Variants in ANAPC4 observed in about 807,000 individuals in gnomAD.
The protein encoded by ANAPC4 is anaphase promoting complex subunit 4, also known as anaphase-promoting complex subunit 4.
In ANAPC4, 63 loss-of-function variants were observed where a neutral mutation model predicts 119.8. The ratio of observed to expected loss-of-function variants is 0.53; its 90% CI spans 0.43 to 0.65. ANAPC4 has a LOEUF of 0.65. Ranked by LOEUF, ANAPC4 falls within the 30% of genes least tolerant of loss-of-function variation. The pLI is 0.00. For missense variants in ANAPC4, 716 were observed against 945.1 expected, an observed-to-expected ratio of 0.76 and a Z score of 3.18; for synonymous variants, 283 against 318.6, an observed-to-expected ratio of 0.89 and a Z score of 1.19.
chr4:25,377,826 C>T (rs1721492371), intron 2 of ANAPC4, among the ~76,000 whole-genome samples: 1 of 152,240 alleles, frequency 6.6e-6, no homozygotes, highest in South Asian at 2.1e-4. Context: ...TCACGCAATC[C>T]TGCTTCCCCA....
At chr4:25,394,987 C>A in intron 14 of ANAPC4, 82 bp downstream of exon 14, 2 of 1,079,054 alleles carry the variant, frequency 1.9e-6, no homozygotes, top group Non-Finnish European at 2.7e-6. Context: ...TTTTCTTCAT[C>A]TGGCATTCTC....
At chr4:25,378,105 C>T (rs315678) in intron 2 of ANAPC4, among the ~76,000 whole-genome samples, 131,252 of 152,270 alleles carry the variant, frequency 0.86, 56,647 homozygotes, top group African/African-American at 0.9. Context: ...AAAAATACCT[C>T]TAAATTGGAC....
intron 10 of ANAPC4, among the ~76,000 whole-genome samples, chr4:25,392,948 G>T (rs1722434039): frequency 6.6e-6 from 1 of 152,184 alleles, no homozygotes; most frequent in African/African-American, 2.4e-5. Flanking sequence ...TGGTAACGGG[G>T]CATCGAGGGT....
intron 10 of ANAPC4, among the ~76,000 whole-genome samples, chr4:25,392,749 T>C (rs1722421584): frequency 6.6e-6 from 1 of 152,208 alleles, no homozygotes; most frequent in Admixed American, 6.5e-5. Context: ...CCAAATTACC[T>C]CCCAATTCTG....
Position 25,392,563 on chromosome 4 carries a change from A to T in ANAPC4, c.789+142A>T, listed in dbSNP as rs186001281. 5.7e-4 allele frequency: 337 copies of T among 592,968 alleles called. 2 individuals carry two copies. The African/African-American group carries it at 5.8e-3, about 10-fold the overall frequency. 36.7% of individuals were successfully genotyped at this position (592,968 alleles called of 1,614,324 possible). A position where few individuals can be genotyped will look rare whatever the true frequency, so the allele number is the denominator to read the frequency against. On this transcript the variant is annotated intron_variant, in intron 10 of 28. Coordinates refer to ENST00000315368, the MANE Select transcript of ANAPC4 (RefSeq NM_013367.3). ...GATAGATGATCTTATAAGGTCCATT[A>T]AAGCAGGAAAAGGACATTTAATTGA...
chr4:25,380,810 C>G (rs1424958880), intron 3 of ANAPC4, among the ~76,000 whole-genome samples: 2 of 152,232 alleles, frequency 1.3e-5, no homozygotes, highest in African/African-American at 2.4e-5. Context: ...GCACCACTTG[C>G]CACTCGCCAG....
In ANAPC4 at chr4:25,418,312, C is replaced by G. The variant is rs1346462953; in HGVS notation, c.2357C>G (p.Ala786Gly). 3.7e-6 allele frequency: 6 copies of G among 1,613,986 alleles called. No homozygotes were observed. The highest frequency in any genetic ancestry group is 5.1e-6 in the Non-Finnish European group (6 of 1,179,936). ...GAGTCAGAGGCAGAGAACCAACAAG[C>G]TGGTGCTGCCGCTTTAGCTCCAGAG... ...LSESEAENQQ[A>G]GAAALAPEIV... is the part of the protein sequence containing the mutation. Residue 786 changes from alanine (A) to glycine (G), a missense_variant, in exon 29 of 29, where the codon GCT becomes GGT. This residue lies in a region of ANAPC4 where 504 missense variants were observed against 615.8 expected (regional missense o/e 0.82). Coordinates refer to ENST00000315368, the MANE Select transcript of ANAPC4 (RefSeq NM_013367.3).
At chr4:25,382,122 T>C (rs200778389) in intron 3 of ANAPC4, among the ~76,000 whole-genome samples, 896 of 19,132 alleles carry the variant, frequency 0.047, 4 homozygotes, top group Non-Finnish European at 0.082. Flanking sequence ...TTCTTTTTTT[T>C]CCCCCCCCTC....
rs776655306 is a variant in ANAPC4 at position 25,414,377 on chromosome 4, T to C, written c.1677T>C (p.Asp559=). 58 of 1,604,316 alleles carry C rather than the reference T, an allele frequency of 3.6e-5. No individual in the cohort carries two copies. Among genetic ancestry groups the C allele is most frequent in the Admixed American group, 1.2e-4 (7 of 59,414 alleles). Residue 559 remains aspartate (D), a synonymous_variant, in exon 23 of 29, where the codon GAT becomes GAC. Transcript: ENST00000315368. ...NQAICIPLYR[D]TRSEDSTRRL... is the part of the protein sequence containing the mutation. ...CAATCTGTATTCCATTGTATAGAGATACCAGAAGGTAATTCTGTTTACCTA... is the reference window on the plus strand; with the variant it reads ...CAATCTGTATTCCATTGTATAGAGACACCAGAAGGTAATTCTGTTTACCTA...
chr4:25,418,296 G>A lies in ANAPC4; in HGVS notation c.2341G>A (p.Ala781Thr). ...IKEEVLSESE[A>T]ENQQAGAAAL... ...GGAAGAAGTGTTGTCGGAGTCAGAG[G>A]CAGAGAACCAACAAGCTGGTGCTGC... Residue 781 changes from alanine (A) to threonine (T), a missense_variant, in exon 29 of 29, where the codon GCA becomes ACA. Transcript: ENST00000315368. 1 of 1,614,046 alleles carries A rather than the reference G, an allele frequency of 6.2e-7. No homozygotes were observed. The highest frequency in any genetic ancestry group is 1.1e-5 in the South Asian group (1 of 91,076).
intron 3 of ANAPC4, among the ~76,000 whole-genome samples, chr4:25,382,492 A>G (rs1721792731): frequency 6.6e-6 from 1 of 152,256 alleles, no homozygotes; most frequent in African/African-American, 2.4e-5. Context: ...ATGGAATCTC[A>G]AAGATAAATC....
chr4:25,397,022 C>T (rs1341919403), intron 16 of ANAPC4, 123 bp downstream of exon 16: 12 of 972,810 alleles, frequency 1.2e-5, no homozygotes, highest in Non-Finnish European at 1.7e-5. Context: ...CACAATTATG[C>T]CTTTATATGG....
At position 25,390,982 on chromosome 4, in the gene ANAPC4, T is replaced by C. The variant is rs1217883390; in HGVS notation, c.672T>C (p.Ser224=). The C allele has an allele frequency of 6.2e-7, 1 of 1,613,578 alleles. No homozygotes were observed. The highest frequency in any genetic ancestry group is 1.3e-5 in the African/African-American group (1 of 74,946). ...LKSLSVVTEV[S]TNGASEVSYF... Reference sequence around the variant, plus strand: ...CATTATCAGTGGTCACAGAAGTCTCTACCAATGGTGCTTCAGAAGTTTCAT... The same window carrying C: ...CATTATCAGTGGTCACAGAAGTCTCCACCAATGGTGCTTCAGAAGTTTCAT... Residue 224 remains serine, a synonymous_variant, in exon 9 of 29, where the codon TCT becomes TCC. Coordinates refer to ENST00000315368, the MANE Select transcript of ANAPC4 (RefSeq NM_013367.3).
At chr4:25,395,638 C>T (rs994634299) in intron 14 of ANAPC4, among the ~76,000 whole-genome samples, 5 of 152,026 alleles carry the variant, frequency 3.3e-5, no homozygotes, top group African/African-American at 1.2e-4. Flanking sequence ...TTAGTAGAGA[C>T]GGGGTTTCAC....
At chr4:25,407,096 C>A in intron 19 of ANAPC4, 101 bp from the exon 20 acceptor site, 2 of 993,648 alleles carry the variant, frequency 2.0e-6, no homozygotes, top group Non-Finnish European at 3.0e-6. Flanking sequence ...ATAATAACTG[C>A]CACTCACAGC....
chr4:25,410,425 A>C (rs1169364629), intron 21 of ANAPC4, among the ~76,000 whole-genome samples: 1 of 152,200 alleles, frequency 6.6e-6, no homozygotes, highest in Non-Finnish European at 1.5e-5. Context: ...TGCTTAGTCT[A>C]ACTAAACATT....
chr4:25,394,762 A>T lies in ANAPC4; in HGVS notation c.984+49A>T, dbSNP rs768413905. 8 of 1,512,484 alleles carry T rather than the reference A, an allele frequency of 5.3e-6. No homozygotes were observed. The South Asian group carries it at 8.7e-5, about 16-fold the overall frequency. 93.7% of individuals were successfully genotyped at this position (1,512,484 alleles called of 1,614,324 possible). On this transcript the variant is annotated intron_variant, in intron 13 of 28. Transcript: ENST00000315368. Reference sequence around the variant, plus strand: ...TCAAATGGCTATGAACACATTCTTAATTTTTTTTTTCGAGTGGCATATAAT... The same window carrying T: ...TCAAATGGCTATGAACACATTCTTATTTTTTTTTTTCGAGTGGCATATAAT...
chr4:25,415,486 T>C lies in ANAPC4; in HGVS notation c.1847T>C (p.Ile616Thr), dbSNP rs1278537389. ...TGAAGATCTGTGAGTAATGGACTAATTGCTATTAAATTTGGGAGCTTTACA... is the reference window on the plus strand; with the variant it reads ...TGAAGATCTGTGAGTAATGGACTAACTGCTATTAAATTTGGGAGCTTTACA... ...DISQSVSNGL[I>T]AIKFGSFTYA... is the part of the protein sequence containing the mutation. The change falls in exon 26 of 29, where the codon ATT becomes ACT. Residue 616 changes from isoleucine to threonine, a missense_variant. Transcript: ENST00000315368. 2 of 1,613,150 alleles carry C rather than the reference T, an allele frequency of 1.2e-6. No homozygotes were observed. Among genetic ancestry groups the C allele is most frequent in the Non-Finnish European group, 8.5e-7 (1 of 1,179,556 alleles).
Position 25,405,095 on chromosome 4 carries a change from C to T in ANAPC4, c.1271-478C>T, listed in dbSNP as rs754969625. Among the ~76,000 whole-genome samples, 16 of 150,644 alleles carry T rather than the reference C, an allele frequency of 1.1e-4. No homozygotes were observed. Among genetic ancestry groups the T allele is most frequent in the Non-Finnish European group, 2.1e-4 (14 of 67,708 alleles). On this transcript the variant is annotated intron_variant, in intron 17 of 28. Coordinates refer to ENST00000315368, the MANE Select transcript of ANAPC4 (RefSeq NM_013367.3). This position sits in a 1 kb window ranked among gnomAD's most constrained non-coding sequence, Gnocchi z 4.6. ...TGATGAGGACAATCCTGTGAAAGGA[C>T]GGAGAGAGTCAACCACAGATACTAG... is the stretch of plus-strand genomic sequence containing the variant.
Sources: allele counts gnomAD v4.1 joint callset (sites outside exome capture counted in the v4.1 genomes callset), GRCh38; gene constraint gnomAD v4.1.1; regional missense constraint gnomAD v4.1.1; non-coding constraint Gnocchi (gnomAD v3.1); transcripts MANE v1.5; gene names NCBI Gene and HGNC (gene_info 2026-07-23, HGNC 2026-07-21).